The following SLC38A8 variants were observed in gnomAD, a reference collection of about 807,000 sequenced individuals.
SLC38A8 encodes the protein amino acid transporter SLC38A8.
Under a neutral mutation model 46.0 loss-of-function variants are expected in SLC38A8, and 65 were observed. That is an observed-to-expected ratio of 1.41 (90% CI 1.16 to 1.74). The LOEUF (loss-of-function observed/expected upper bound fraction) is 1.74. Ranked by LOEUF, SLC38A8 falls within the 40% of genes most tolerant of loss-of-function variation. SLC38A8 has a pLI of 0.00. For synonymous variants in SLC38A8, 447 were observed against 243.7 expected, an observed-to-expected ratio of 1.83 and a Z score of -7.77; for missense variants, 998 against 567.9, an observed-to-expected ratio of 1.76 and a Z score of -7.70.
chr16:84,037,806 A>ATTTTTTTTTTTTTTTTT (rs376247461), intron 2 of SLC38A8, among the ~76,000 whole-genome samples: 1 of 102,246 alleles, frequency 9.8e-6, no homozygotes, highest in East Asian at 3.6e-4. Flanking sequence ...TTCAGCTTCA[A>ATTTTTTTTTTTTTTTTT]TTTTTTTTTT....
At chr16:84,020,334 C>T (rs1482772078) in intron 7 of SLC38A8, among the ~76,000 whole-genome samples, 1 of 152,100 alleles carries the variant, frequency 6.6e-6, no homozygotes, top group Non-Finnish European at 1.5e-5. Context: ...TTTGTAGAGA[C>T]AGGGTCTCAC....
chr16:84,028,690 C>A (rs116339975), intron 6 of SLC38A8, among the ~76,000 whole-genome samples: 15 of 149,702 alleles, frequency 1.0e-4, no homozygotes, highest in South Asian at 2.1e-4. Context: ...CCTCCCCTGC[C>A]CCCCCTGCCC....
chr16:84,040,486 C>G (rs561533228), intron 2 of SLC38A8, among the ~76,000 whole-genome samples: 1 of 152,212 alleles, frequency 6.6e-6, no homozygotes, highest in South Asian at 2.1e-4. Context: ...GAAATGCCTG[C>G]ACGGTGCTTG....
intron 9 of SLC38A8, among the ~76,000 whole-genome samples, chr16:84,015,819 C>T (rs927196117): frequency 6.6e-6 from 1 of 152,200 alleles, no homozygotes; most frequent in Non-Finnish European, 1.5e-5. Context: ...GATTCTCCTG[C>T]CTAAGCCTCC....
chr16:84,030,678 C>CTT (rs2151123993), intron 5 of SLC38A8, among the ~76,000 whole-genome samples: 1 of 152,318 alleles, frequency 6.6e-6, no homozygotes, highest in South Asian at 2.1e-4. Flanking sequence ...CCTTGACTTT[C>CTT]TTCTCTCTCT....
rs114826359 is a variant in SLC38A8, at chr16:84,038,653, G to T, written c.190-1753C>A. 2.9e-3 allele frequency among the ~76,000 whole-genome samples: 445 copies of T among 152,288 alleles called. 4 individuals are homozygous for T. The highest frequency in any genetic ancestry group is 0.01 in the African/African-American group (426 of 41,544). On this transcript the variant is annotated intron_variant, in intron 2 of 10. Coordinates refer to ENST00000299709, the MANE Select transcript of SLC38A8 (RefSeq NM_001080442.3). The stretch of plus-strand genomic sequence containing the variant: ...TTGCTGGAAGATGTACAATGCACAT[G>T]TGCCAGCCAAACTGCTACCCACAGG...
chr16:84,040,682 A>G (rs1298390950), intron 2 of SLC38A8, among the ~76,000 whole-genome samples: 3 of 152,196 alleles, frequency 2.0e-5, no homozygotes, highest in Non-Finnish European at 4.4e-5. Context: ...CGTGCACCTC[A>G]GGAAGCTCTT....
At chr16:84,013,721 A>G (rs925714558) in intron 9 of SLC38A8, among the ~76,000 whole-genome samples, 1 of 139,776 alleles carries the variant, frequency 7.2e-6, no homozygotes, top group Non-Finnish European at 1.5e-5. Context: ...GAGCCACTGC[A>G]CCCAGCCCTT....
intron 7 of SLC38A8, among the ~76,000 whole-genome samples, chr16:84,022,195 C>G (rs1332924387): frequency 6.6e-6 from 1 of 152,194 alleles, no homozygotes; most frequent in Non-Finnish European, 1.5e-5. Flanking sequence ...GCTTCCTAGA[C>G]TGGAGGATAC....
intron 6 of SLC38A8, among the ~76,000 whole-genome samples, chr16:84,023,529 G>C (rs577703456): frequency 1.3e-5 from 2 of 152,188 alleles, no homozygotes; most frequent in African/African-American, 2.4e-5. Flanking sequence ...CACAGAGCAT[G>C]ATGTGGCTCT....
rs1468365073 is a variant in SLC38A8, at chr16:84,033,237, C to G, written c.530+91G>C. The G allele has an allele frequency of 1.9e-6, 3 of 1,557,880 alleles. No homozygotes were observed. In the African/African-American group the frequency reaches 4.1e-5, roughly 21 times the overall value. The stretch of plus-strand genomic sequence containing the variant: ...CCTTCTCCAAATGTGAAGGCCAATT[C>G]CCCAGCTCCTCTGACCCCAGATGGA... On this transcript the variant is annotated intron_variant, in intron 4 of 10. Coordinates refer to ENST00000299709, the MANE Select transcript of SLC38A8 (RefSeq NM_001080442.3).
At chr16:84,021,493 G>C (rs116787773) in intron 7 of SLC38A8, among the ~76,000 whole-genome samples, 1 of 152,060 alleles carries the variant, frequency 6.6e-6, no homozygotes, top group African/African-American at 2.4e-5. Flanking sequence ...CCTCAGTTCC[G>C]TCTGAAACCT....
intron 7 of SLC38A8, among the ~76,000 whole-genome samples, chr16:84,021,183 C>G (rs1249549453): frequency 6.6e-6 from 1 of 152,202 alleles, no homozygotes; most frequent in Non-Finnish European, 1.5e-5. Context: ...CTGCCTCAAC[C>G]TCCCAAGCAG....
intron 1 of SLC38A8, 32 bp from the exon 2 acceptor site, chr16:84,042,191 C>G (rs1355215838): frequency 7.6e-6 from 12 of 1,580,946 alleles, no homozygotes; most frequent in Non-Finnish European, 1.0e-5. Flanking sequence ...AGAGAAAGCA[C>G]AGTCTTCACG....
chr16:84,024,853 A>T (rs924952109), intron 6 of SLC38A8, among the ~76,000 whole-genome samples: 1 of 151,824 alleles, frequency 6.6e-6, no homozygotes, highest in Admixed American at 6.6e-5. Context: ...CTAATTTTTT[A>T]TATTTTTGGT....
At chr16:84,024,883 G>A (rs886553097) in intron 6 of SLC38A8, among the ~76,000 whole-genome samples, 1 of 151,914 alleles carries the variant, frequency 6.6e-6, no homozygotes, top group Admixed American at 6.6e-5. Flanking sequence ...GTTTCACCAT[G>A]TTGTCCAGGC....
chr16:84,013,086 G>T, intron 9 of SLC38A8, 34 bp from the exon 10 acceptor site: 2 of 1,613,186 alleles, frequency 1.2e-6, no homozygotes, highest in Non-Finnish European at 1.7e-6. Flanking sequence ...ACAGTTCTTC[G>T]TTATCAAACC....
chr16:84,037,764 A>AC (rs2085317618), intron 2 of SLC38A8, among the ~76,000 whole-genome samples: 3 of 119,180 alleles, frequency 2.5e-5, no homozygotes, highest in Non-Finnish European at 5.3e-5. Flanking sequence ...GCCTCCGAAA[A>AC]AAAAAAAAGA....
chr16:84,033,298 GC>G (rs1472810630), intron 4 of SLC38A8, 29 bp downstream of exon 4: 2 of 1,613,402 alleles, frequency 1.2e-6, no homozygotes, highest in Non-Finnish European at 1.7e-6. Context: ...CAAGGTGGGG[GC>G]CCCCACCAGG....
Sources: gnomAD v4.1 joint callset for allele counts (sites outside exome capture counted in the v4.1 genomes callset) on GRCh38, gnomAD v4.1.1 for gene constraint, MANE v1.5 for transcripts, NCBI Gene and HGNC (gene_info 2026-07-23, HGNC 2026-07-21) for gene names.